RAD50: variants seen among roughly 807,000 people sequenced by gnomAD.
The protein encoded by RAD50 is DNA repair protein RAD50.
In RAD50, 132 loss-of-function variants were observed where a neutral mutation model predicts 168.8. That is an observed-to-expected ratio of 0.78 (90% CI 0.68 to 0.90). The LOEUF is 0.90. Among genes scored for constraint, RAD50 ranks in the 40% least tolerant of loss-of-function variants. The pLI is 0.00. For missense variants in RAD50, 1,347 were observed against 1,534.4 expected (o/e 0.88, Z 2.04); for synonymous variants, 525 against 497.4 (o/e 1.06, Z -0.74).
At position 132,557,295 on chromosome 5, in the gene RAD50, T is replaced by C; in HGVS notation, c.-30T>C. 1.2e-6 allele frequency: 2 copies of C among 1,613,260 alleles called. No individual in the cohort carries two copies. Among genetic ancestry groups the C allele is most frequent in the Non-Finnish European group, 1.7e-6 (2 of 1,179,158 alleles). ...CAGTTAAGCCTTTGTGGGCTCCAGG[T>C]CCCTGGTGAGATTAGAAACGTTTGC... On this transcript the variant is annotated 5_prime_UTR_variant, in exon 1 of 25. Coordinates refer to ENST00000378823, the MANE Select transcript of RAD50 (RefSeq NM_005732.4).
chr5:132,619,889 G>GATATATATATATATATATATAT (rs1281581940), intron 21 of RAD50, among the ~76,000 whole-genome samples: 1 of 132,008 alleles, frequency 7.6e-6, no homozygotes, highest in African/African-American at 3.0e-5. Context: ...TATATATAGA[G>GATATATATATATATATATATAT]AGAGAGAGAG....
In RAD50 at chr5:132,646,092, C is replaced by CAAAAAAAAAAAAAAAAAAAAAA. The variant is rs757145249; in HGVS notation, c.*3749_*3750insAAAAAAAAAAAAAAAAAAAAAA. The CAAAAAAAAAAAAAAAAAAAAAA allele has an allele frequency of 1.3e-5, 1 of 77,170 alleles. No individual in the cohort carries two copies. The highest frequency in any genetic ancestry group is 4.5e-5 in the African/African-American group (1 of 22,120). The allele number at this position is 77,170 out of a possible 1,614,324, so 4.8% of individuals were successfully genotyped here. On this transcript the variant is annotated 3_prime_UTR_variant, in exon 25 of 25. Coordinates refer to ENST00000378823, the MANE Select transcript of RAD50 (RefSeq NM_005732.4). ...CAGAGTGAGACCCTGTCTAAAAAGA[C>CAAAAAAAAAAAAAAAAAAAAAA]AAAAAAAAAAAAAAAAAAAAAGCAG...
chr5:132,581,055 A>C (rs1017784167), intron 5 of RAD50, among the ~76,000 whole-genome samples: 1 of 152,114 alleles, frequency 6.6e-6, no homozygotes, highest in Non-Finnish European at 1.5e-5. Context: ...AATGGGAAGA[A>C]ATCAAGTCAG....
intron 21 of RAD50, among the ~76,000 whole-genome samples, chr5:132,626,685 C>T (rs767034695): frequency 5.3e-5 from 8 of 152,094 alleles, no homozygotes; most frequent in East Asian, 1.9e-4. Flanking sequence ...GCATAGAAGA[C>T]AATAATAGCA....
At chr5:132,588,959 A>T in intron 8 of RAD50, 79 bp downstream of exon 8, 2 of 1,451,944 alleles carry the variant, frequency 1.4e-6, no homozygotes, top group Non-Finnish European at 1.9e-6. Flanking sequence ...TTTTGGTTGG[A>T]CTCCATTTTG....
At chr5:132,627,045 T>C (rs1427903207) in intron 21 of RAD50, among the ~76,000 whole-genome samples, 2 of 152,150 alleles carry the variant, frequency 1.3e-5, no homozygotes, top group East Asian at 3.8e-4. Flanking sequence ...CACACTGGGC[T>C]AATTTTTGTA....
At chr5:132,610,296 T>G (rs969757603) in intron 19 of RAD50, among the ~76,000 whole-genome samples, 3 of 152,138 alleles carry the variant, frequency 2.0e-5, no homozygotes, top group Admixed American at 6.5e-5. Flanking sequence ...TTATGTAGCA[T>G]AAATTCACAA....
At chr5:132,619,192 A>G (rs980364052) in intron 21 of RAD50, among the ~76,000 whole-genome samples, 1 of 152,154 alleles carries the variant, frequency 6.6e-6, no homozygotes, top group Admixed American at 6.6e-5. Flanking sequence ...GAGGAAAGGT[A>G]TAAGGTTATA....
chr5:132,575,736 TATTAAAGTAAC>T (rs758415202), intron 2 of RAD50, 30 bp from the exon 3 acceptor site: 2 of 1,541,272 alleles, frequency 1.3e-6, no homozygotes, highest in South Asian at 2.2e-5. Flanking sequence ...CACTGGTGCT[TATTAAAGTAAC>T]ATAAGTTTTT....
At chr5:132,604,096 G>A (rs2149847369) in intron 15 of RAD50, 50 bp downstream of exon 15, 1 of 1,601,618 alleles carries the variant, frequency 6.2e-7, no homozygotes, top group Non-Finnish European at 8.5e-7. Context: ...GACATTGCGA[G>A]CACATGCCTT....
intron 19 of RAD50, among the ~76,000 whole-genome samples, chr5:132,612,428 G>A (rs1751103188): frequency 6.6e-6 from 1 of 152,144 alleles, no homozygotes; most frequent in Admixed American, 6.5e-5. Flanking sequence ...AGTGGTGATG[G>A]TTGTATAACC....
At chr5:132,621,208 C>G (rs1422039953) in intron 21 of RAD50, among the ~76,000 whole-genome samples, 1 of 152,154 alleles carries the variant, frequency 6.6e-6, no homozygotes, top group African/African-American at 2.4e-5. Flanking sequence ...TGCCTCTCAG[C>G]TTCTACCCCA....
At position 132,594,145 on chromosome 5, in the gene RAD50, T is replaced by C. The variant is rs573795459; in HGVS notation, c.1794-724T>C. 1.6e-4 allele frequency among the ~76,000 whole-genome samples: 24 copies of C among 152,326 alleles called. No individual in the cohort carries two copies. The South Asian group carries it at 5.0e-3, about 32-fold the overall frequency. ...TGGGTAGTCATGATGAAGAAGCATG[T>C]GTGCAGTCACACACATTTATCTGAA... On this transcript the variant is annotated intron_variant, in intron 11 of 24. Coordinates refer to ENST00000378823, the MANE Select transcript of RAD50 (RefSeq NM_005732.4).
intron 16 of RAD50, 70 bp downstream of exon 16, chr5:132,605,069 C>A: frequency 1.6e-6 from 2 of 1,226,010 alleles, no homozygotes; most frequent in Non-Finnish European, 2.2e-6. Context: ...TTTTTTGAGA[C>A]AGTCTCGTTC....
At chr5:132,620,864 CAAG>C (rs1239901136) in intron 21 of RAD50, among the ~76,000 whole-genome samples, 8 of 151,742 alleles carry the variant, frequency 5.3e-5, no homozygotes, top group African/African-American at 1.7e-4. Context: ...AAACTGGAGA[CAAG>C]AAAAAATTAT....
rs1329149191 is a variant in RAD50 at position 132,603,997 on chromosome 5, C to T, written c.2475C>T (p.Val825=). 1 of 1,613,674 alleles carries T rather than the reference C, an allele frequency of 6.2e-7. No homozygotes were observed. The highest frequency in any genetic ancestry group is 2.2e-5 in the East Asian group (1 of 44,848). ...AAGGAATAGACTTAGATCGAACTGT[C>T]CAACAAGTCAACCAGGAGAAACAAG... ...KLQGIDLDRT[V]QQVNQEKQEK... is the part of the protein sequence containing the mutation. Residue 825 remains valine (V), a synonymous_variant, in exon 15 of 25, where the codon GTC becomes GTT. Coordinates refer to ENST00000378823, the MANE Select transcript of RAD50 (RefSeq NM_005732.4).
chr5:132,596,239 G>T (rs1427747830), intron 13 of RAD50, among the ~76,000 whole-genome samples: 2 of 152,080 alleles, frequency 1.3e-5, no homozygotes, highest in Admixed American at 6.5e-5. Context: ...AAAGTGATTG[G>T]CCCACCTCGG....
At chr5:132,567,516 A>G (rs1214540914) in intron 2 of RAD50, among the ~76,000 whole-genome samples, 1 of 152,228 alleles carries the variant, frequency 6.6e-6, no homozygotes, top group African/African-American at 2.4e-5. Flanking sequence ...GTGACTGGAA[A>G]TTGTAGAGCA....
At chr5:132,562,077 C>A (rs1174786260) in intron 2 of RAD50, among the ~76,000 whole-genome samples, 1 of 152,156 alleles carries the variant, frequency 6.6e-6, no homozygotes, top group Non-Finnish European at 1.5e-5. Context: ...ACATTTCATT[C>A]AGTCTAGTTG....
Sources: gnomAD v4.1 joint callset for allele counts (sites outside exome capture counted in the v4.1 genomes callset) on GRCh38, gnomAD v4.1.1 for gene constraint, MANE v1.5 for transcripts, NCBI Gene and HGNC (gene_info 2026-07-23, HGNC 2026-07-21) for gene names.